TMCC1: variants seen among roughly 807,000 people sequenced by gnomAD.
TMCC1 encodes transmembrane and coiled-coil domains protein 1.
In TMCC1, 15 loss-of-function variants were observed where a neutral mutation model predicts 52.4. The observed-to-expected ratio is 0.29, with a 90% CI of 0.19 to 0.44. TMCC1 has a LOEUF of 0.44. Among genes scored for constraint, TMCC1 ranks in the 20% least tolerant of loss-of-function variants. The pLI is 1.00. For missense variants in TMCC1, 503 were observed against 806.0 expected, an observed-to-expected ratio of 0.62 and a Z score of 4.55; for synonymous variants, 279 against 301.9, an observed-to-expected ratio of 0.92 and a Z score of 0.79.
intron 4 of TMCC1, among the ~76,000 whole-genome samples, chr3:129,806,510 C>A (rs1193450493): frequency 6.6e-6 from 1 of 152,216 alleles, no homozygotes; most frequent in Non-Finnish European, 1.5e-5. Flanking sequence ...ATACTGATAA[C>A]TGAAGGGCCT....
chr3:129,693,300 T>C (rs896054287), intron 4 of TMCC1, among the ~76,000 whole-genome samples: 22 of 152,266 alleles, frequency 1.4e-4, no homozygotes, highest in Middle Eastern at 6.8e-3. Context: ...TTCTAGATGA[T>C]TAAATACAAA....
At chr3:129,657,614 G>A (rs1296146830) in intron 5 of TMCC1, among the ~76,000 whole-genome samples, 1 of 152,224 alleles carries the variant, frequency 6.6e-6, no homozygotes, top group Admixed American at 6.5e-5. Context: ...ATCAGAGTCA[G>A]AGTGCTAGCG....
At chr3:129,745,933 A>G (rs574554044) in intron 4 of TMCC1, among the ~76,000 whole-genome samples, 1 of 151,442 alleles carries the variant, frequency 6.6e-6, no homozygotes, top group African/African-American at 2.4e-5. Flanking sequence ...AAAGGAAAGA[A>G]AAAAAGCCAG....
intron 2 of TMCC1, among the ~76,000 whole-genome samples, chr3:129,833,556 C>T (rs528576434): frequency 1.3e-4 from 20 of 152,028 alleles, no homozygotes; most frequent in Non-Finnish European, 2.4e-4. Flanking sequence ...GGAGCAAAAG[C>T]GAGACCCTGT....
intron 4 of TMCC1, among the ~76,000 whole-genome samples, chr3:129,823,283 G>A (rs1256610466): frequency 2.0e-5 from 3 of 151,876 alleles, no homozygotes; most frequent in South Asian, 2.1e-4. Flanking sequence ...CCGAGATCAC[G>A]CCACCGCACT....
At chr3:129,705,241 G>A (rs909026374) in intron 4 of TMCC1, among the ~76,000 whole-genome samples, 4 of 152,196 alleles carry the variant, frequency 2.6e-5, no homozygotes, top group Non-Finnish European at 5.9e-5. Flanking sequence ...GCAGAGAGAG[G>A]TGGAATATGC....
At chr3:129,753,313 A>T (rs2052696950) in intron 4 of TMCC1, among the ~76,000 whole-genome samples, 1 of 152,238 alleles carries the variant, frequency 6.6e-6, no homozygotes, top group Non-Finnish European at 1.5e-5. Context: ...ATGTGGAAAA[A>T]GAGTGAATTT....
chr3:129,813,085 GA>G (rs2057911971), intron 4 of TMCC1, among the ~76,000 whole-genome samples: 1 of 152,120 alleles, frequency 6.6e-6, no homozygotes, highest in South Asian at 2.1e-4. Flanking sequence ...AATCATTAGA[GA>G]AATGCAAATC....
In TMCC1 at chr3:129,887,541, T is replaced by C. The variant is rs186322927; in HGVS notation, c.-435+5953A>G. On this transcript the variant is annotated intron_variant, in intron 1 of 6. Transcript: ENST00000393238. ...TGGCGACAGAGCAAGACTCCGTCTC[T>C]CAAAAAAAAAAAAAAAACAACAAAA... is the stretch of plus-strand genomic sequence containing the variant. Among the ~76,000 whole-genome samples, 343 of 108,532 alleles carry C rather than the reference T, an allele frequency of 3.2e-3. 3 individuals carry two copies. The highest frequency in any genetic ancestry group is 0.012 in the African/African-American group (315 of 25,420). 71.2% of individuals were successfully genotyped at this position (108,532 alleles called of 152,430 possible).
intron 4 of TMCC1, among the ~76,000 whole-genome samples, chr3:129,777,968 A>G (rs1182181042): frequency 6.6e-6 from 1 of 152,112 alleles, no homozygotes; most frequent in Non-Finnish European, 1.5e-5. Flanking sequence ...ACAAGCACAC[A>G]CTACTTTCTA....
intron 1 of TMCC1, among the ~76,000 whole-genome samples, chr3:129,889,201 T>A (rs2061854033): frequency 6.6e-6 from 1 of 151,816 alleles, no homozygotes; most frequent in South Asian, 2.1e-4. Context: ...GACCCCAGAG[T>A]GTTGAGGCTG....
intron 2 of TMCC1, among the ~76,000 whole-genome samples, chr3:129,857,036 A>T (rs572219287): frequency 1.2e-4 from 19 of 152,028 alleles, no homozygotes; most frequent in African/African-American, 4.6e-4. Flanking sequence ...CCCCTGCCTC[A>T]CCCTCCCAAG....
chr3:129,744,065 GGATT>G (rs1194878671), intron 4 of TMCC1, among the ~76,000 whole-genome samples: 13 of 152,046 alleles, frequency 8.6e-5, no homozygotes, highest in Non-Finnish European at 1.6e-4. Flanking sequence ...GTAAGTTTCT[GGATT>G]AATTCTGACT....
chr3:129,835,067 C>T (rs2059094864), intron 2 of TMCC1, among the ~76,000 whole-genome samples: 1 of 152,136 alleles, frequency 6.6e-6, no homozygotes, highest in Admixed American at 6.6e-5. Context: ...ACCACCCTGG[C>T]CGAAGATGTT....
intron 5 of TMCC1, among the ~76,000 whole-genome samples, chr3:129,669,813 C>CTAAT (rs754589391): frequency 3.9e-5 from 6 of 152,194 alleles, no homozygotes; most frequent in South Asian, 4.1e-4. Flanking sequence ...TGAGAATTTT[C>CTAAT]TAACTCTTGT....
At chr3:129,652,514 G>A (rs1306091977) in intron 6 of TMCC1, among the ~76,000 whole-genome samples, 2 of 152,176 alleles carry the variant, frequency 1.3e-5, no homozygotes, top group Non-Finnish European at 2.9e-5. Flanking sequence ...TGGACTCTTT[G>A]TGGCAGTAAG....
rs987403621 is a variant in TMCC1, at chr3:129,648,734, C to T, written c.*2747G>A. 18 of 151,606 alleles carry T rather than the reference C, an allele frequency of 1.2e-4. No individual in the cohort carries two copies. The highest frequency in any genetic ancestry group is 4.4e-4 in the African/African-American group (18 of 41,230). 9.4% of individuals were successfully genotyped at this position (151,606 alleles called of 1,614,324 possible). A position where few individuals can be genotyped will look rare whatever the true frequency, so the allele number is the denominator to read the frequency against. On this transcript the variant is annotated 3_prime_UTR_variant, in exon 7 of 7. Transcript: ENST00000393238. ...ATTCAAATGAGGGGACGTTTCCACC[C>T]AGAACAACTGTTAAGCCATTAGAGC...
chr3:129,769,230 TA>T (rs2054355088), intron 4 of TMCC1, among the ~76,000 whole-genome samples: 1 of 152,210 alleles, frequency 6.6e-6, no homozygotes, highest in Non-Finnish European at 1.5e-5. Context: ...TAAAACATTA[TA>T]GGATTTTGTT....
intron 4 of TMCC1, among the ~76,000 whole-genome samples, chr3:129,715,117 T>A (rs2048974674): frequency 6.6e-6 from 1 of 152,050 alleles, no homozygotes; most frequent in African/African-American, 2.4e-5. Context: ...CACTCTTCCT[T>A]TTTTTTCTCA....
Sources: gnomAD v4.1 joint callset for allele counts (sites outside exome capture counted in the v4.1 genomes callset) on GRCh38, gnomAD v4.1.1 for gene constraint, MANE v1.5 for transcripts, NCBI Gene and HGNC (gene_info 2026-07-23, HGNC 2026-07-21) for gene names.